The following GRIK2 variants were observed in gnomAD, a reference collection of about 807,000 sequenced individuals.
GRIK2 encodes glutamate receptor ionotropic, kainate 2.
A neutral mutation model predicts 100.3 loss-of-function variants in GRIK2; 32 were observed. The ratio of observed to expected loss-of-function variants is 0.32; its 90% CI spans 0.24 to 0.43. GRIK2 has a LOEUF of 0.43. Among genes scored for constraint, GRIK2 ranks in the 20% least tolerant of loss-of-function variants. The pLI is 1.00. For synonymous variants in GRIK2, 417 were observed against 389.4 expected, an observed-to-expected ratio of 1.07 and a Z score of -0.83; for missense variants, 843 against 1,114.9, an observed-to-expected ratio of 0.76 and a Z score of 3.47.
intron 2 of GRIK2, among the ~76,000 whole-genome samples, chr6:101,432,903 T>C (rs753828193): frequency 3.3e-5 from 5 of 151,692 alleles, no homozygotes; most frequent in Non-Finnish European, 7.4e-5. Context: ...ATTATACATA[T>C]AAAACAGAGG....
intron 2 of GRIK2, among the ~76,000 whole-genome samples, chr6:101,541,236 G>A (rs1026026851): frequency 6.6e-6 from 1 of 151,968 alleles, no homozygotes; most frequent in Non-Finnish European, 1.5e-5. Context: ...GGAGAACCAA[G>A]CACTATGACT....
chr6:101,847,406 C>A (rs528358200), intron 10 of GRIK2, among the ~76,000 whole-genome samples: 1 of 152,128 alleles, frequency 6.6e-6, no homozygotes, highest in South Asian at 2.1e-4. Flanking sequence ...ATTCCCCTCA[C>A]CCAGGGTTTT....
At chr6:101,933,694 A>G (rs1320599115) in intron 14 of GRIK2, among the ~76,000 whole-genome samples, 1 of 151,888 alleles carries the variant, frequency 6.6e-6, no homozygotes. Flanking sequence ...CATTGGCACA[A>G]TGAATTTTAC....
intron 6 of GRIK2, among the ~76,000 whole-genome samples, chr6:101,683,213 A>AT (rs1771421273): frequency 6.6e-6 from 1 of 151,988 alleles, no homozygotes; most frequent in South Asian, 2.1e-4. Context: ...AAAAAAAAAA[A>AT]AGAAAAGAAT....
intron 4 of GRIK2, among the ~76,000 whole-genome samples, chr6:101,651,767 G>C (rs1445657940): frequency 6.6e-6 from 1 of 152,126 alleles, no homozygotes; most frequent in Admixed American, 6.6e-5. Context: ...CGTCTCACTG[G>C]AGATCTGATG....
intron 4 of GRIK2, among the ~76,000 whole-genome samples, chr6:101,665,704 T>C (rs931110712): frequency 3.3e-5 from 5 of 152,216 alleles, no homozygotes; most frequent in Admixed American, 6.5e-5. Flanking sequence ...GAGACTATGT[T>C]AGTTTAGTCC....
chr6:101,522,041 G>T (rs529475551), intron 2 of GRIK2, among the ~76,000 whole-genome samples: 1 of 151,990 alleles, frequency 6.6e-6, no homozygotes, highest in Non-Finnish European at 1.5e-5. Context: ...TTCTCCTTAA[G>T]TTGCATAACT....
At chr6:101,831,183 G>T (rs1362166682) in intron 10 of GRIK2, among the ~76,000 whole-genome samples, 4 of 152,048 alleles carry the variant, frequency 2.6e-5, no homozygotes, top group Non-Finnish European at 4.4e-5. Flanking sequence ...TATGTAGAAA[G>T]TTCATTTGAA....
chr6:101,515,795 T>A, intron 2 of GRIK2, among the ~76,000 whole-genome samples: 1 of 152,106 alleles, frequency 6.6e-6, no homozygotes, highest in East Asian at 1.9e-4. Flanking sequence ...TGTTTGAGTT[T>A]GTTGTAGATT....
At chr6:101,401,183 G>GA (rs1253488164) in intron 2 of GRIK2, among the ~76,000 whole-genome samples, 1 of 152,200 alleles carries the variant, frequency 6.6e-6, no homozygotes, top group East Asian at 1.9e-4. Context: ...CGACTAGATG[G>GA]AAAAAAGAAG....
intron 7 of GRIK2, among the ~76,000 whole-genome samples, chr6:101,723,668 C>T (rs1036746987): frequency 6.6e-6 from 1 of 151,948 alleles, no homozygotes; most frequent in Admixed American, 6.6e-5. Flanking sequence ...AACAACTAAA[C>T]TGGTTAATGA....
chr6:102,055,941 G>A (rs373980013), intron 16 of GRIK2, among the ~76,000 whole-genome samples: 1 of 151,784 alleles, frequency 6.6e-6, no homozygotes, highest in South Asian at 2.1e-4. Context: ...AAACTAATAT[G>A]AAAGAAAAAA....
At chr6:101,988,632 CCTAGAA>C (rs1292721228) in intron 14 of GRIK2, among the ~76,000 whole-genome samples, 1 of 151,696 alleles carries the variant, frequency 6.6e-6, no homozygotes, top group Non-Finnish European at 1.5e-5. Context: ...CTTGTAAGTA[CCTAGAA>C]TACGTGGTTA....
intron 12 of GRIK2, among the ~76,000 whole-genome samples, chr6:101,919,313 C>G (rs192804384): frequency 6.6e-6 from 1 of 151,526 alleles, no homozygotes; most frequent in Non-Finnish European, 1.5e-5. Context: ...GCAATGAAGT[C>G]GGTAAGATGA....
chr6:101,839,146 CTT>C (rs1416961458), intron 10 of GRIK2, among the ~76,000 whole-genome samples: 1 of 152,088 alleles, frequency 6.6e-6, no homozygotes, highest in Non-Finnish European at 1.5e-5. Flanking sequence ...TGCCTACAAA[CTT>C]TTAGCAAGAC....
At chr6:101,560,324 C>T (rs1477091332) in intron 2 of GRIK2, among the ~76,000 whole-genome samples, 1 of 151,826 alleles carries the variant, frequency 6.6e-6, no homozygotes, top group Non-Finnish European at 1.5e-5. Context: ...TATAAATTAA[C>T]CAATTAATGG....
At position 101,691,295 on chromosome 6, in the gene GRIK2, T is replaced by C. The variant is rs529131512; in HGVS notation, c.951+4942T>C. 5.3e-4 allele frequency among the ~76,000 whole-genome samples: 80 copies of C among 151,360 alleles called. 1 individual carries two copies. The highest frequency in any genetic ancestry group is 1.9e-3 in the African/African-American group (79 of 41,264). ...CTCAATGACAGAAGCTTAGAAATAC[T>C]TTTTTTTCTTTTTTTTTTTTTTGAG... is the stretch of plus-strand genomic sequence containing the variant. On this transcript the variant is annotated intron_variant, in intron 7 of 16. Transcript: ENST00000369134.
intron 4 of GRIK2, among the ~76,000 whole-genome samples, chr6:101,662,986 G>T (rs1769742312): frequency 6.6e-6 from 1 of 151,892 alleles, no homozygotes; most frequent in African/African-American, 2.4e-5. Flanking sequence ...AAAGACTTTG[G>T]GGTTGATGAT....
At chr6:101,574,695 A>C (rs1310083244) in intron 2 of GRIK2, among the ~76,000 whole-genome samples, 4 of 151,804 alleles carry the variant, frequency 2.6e-5, no homozygotes, top group Non-Finnish European at 5.9e-5. Context: ...TAAGTATTAT[A>C]AAACCTGTTT....
Sources: gnomAD v4.1 joint callset for allele counts (sites outside exome capture counted in the v4.1 genomes callset) on GRCh38, gnomAD v4.1.1 for gene constraint, MANE v1.5 for transcripts, NCBI Gene and HGNC (gene_info 2026-07-23, HGNC 2026-07-21) for gene names.